Variants in ZNF417 observed in about 807,000 individuals in gnomAD.
ZNF417 encodes the protein zinc finger protein 417.
A neutral mutation model predicts 7.4 loss-of-function variants in ZNF417; 5 were observed. That is an observed-to-expected ratio of 0.68 (90% CI 0.35 to 1.43). The LOEUF (loss-of-function observed/expected upper bound fraction) is 1.43, where lower values mean the gene tolerates loss of function less well. Among genes scored for constraint, ZNF417 ranks in the 40% most tolerant of loss-of-function variants. ZNF417 has a pLI of 0.04. For missense variants in ZNF417, 437 were observed against 697.3 expected (o/e 0.63, Z 4.20); for synonymous variants, 147 against 239.1 (o/e 0.61, Z 3.55).
Position 57,908,109 on chromosome 19 carries a change from A to G in ZNF417, c.*441T>C. ...AAGAAATAGTAAGGTAATCTTAGAAAGATGTTGAATAGAAAGCAAGCTACG... is the reference window on the plus strand; with the variant it reads ...AAGAAATAGTAAGGTAATCTTAGAAGGATGTTGAATAGAAAGCAAGCTACG... On this transcript the variant is annotated 3_prime_UTR_variant, in exon 3 of 3. Coordinates refer to ENST00000312026, the MANE Select transcript of ZNF417 (RefSeq NM_152475.3). The G allele has an allele frequency of 5.5e-6, 1 of 182,990 alleles. No individual in the cohort carries two copies. Among genetic ancestry groups the G allele is most frequent in the Non-Finnish European group, 1.2e-5 (1 of 85,808 alleles). The allele number at this position is 182,990 out of a possible 1,614,324, so 11.3% of individuals were successfully genotyped here. A position where few individuals can be genotyped will look rare whatever the true frequency, so the allele number is the denominator to read the frequency against.
chr19:57,916,568 G>T lies in ZNF417; in HGVS notation c.-157C>A. On this transcript the variant is annotated 5_prime_UTR_variant, in exon 1 of 3. Transcript: ENST00000312026. ...GGGGCCACAAACTGGGGAAACACCC[G>T]CGTCACCGATACACAGCCGCTACTA... is the stretch of plus-strand genomic sequence containing the variant. The T allele has an allele frequency of 1.3e-6, 2 of 1,491,592 alleles. No individual in the cohort carries two copies. The highest frequency in any genetic ancestry group is 8.9e-7 in the Non-Finnish European group (1 of 1,122,732). The allele number at this position is 1,491,592 out of a possible 1,614,324, so 92.4% of individuals were successfully genotyped here.
At chr19:57,916,298 T>C (rs376887526) in intron 1 of ZNF417, 81 bp downstream of exon 1, 41,725 of 1,608,664 alleles carry the variant, frequency 0.026, 644 homozygotes, top group Non-Finnish European at 0.028. Context: ...TACAGACCCG[T>C]GAGCAGGAGC....
chr19:57,908,457 T>G lies in ZNF417; in HGVS notation c.*93A>C. 1 of 1,599,212 alleles carries G rather than the reference T, an allele frequency of 6.3e-7. No individual in the cohort carries two copies. The highest frequency in any genetic ancestry group is 8.5e-7 in the Non-Finnish European group (1 of 1,170,022). On this transcript the variant is annotated 3_prime_UTR_variant, in exon 3 of 3. Transcript: ENST00000312026. ...GCAGACATTCTGATGTTTCCCAGATTGACAGCACTCATAAGGCCTTTCTCC... is the reference window on the plus strand; with the variant it reads ...GCAGACATTCTGATGTTTCCCAGATGGACAGCACTCATAAGGCCTTTCTCC...
Position 57,909,381 on chromosome 19 carries a change from CT to C in ZNF417, c.896del (p.Glu299GlyfsTer181). On this transcript the variant is annotated frameshift_variant, in exon 3 of 3. Coordinates refer to ENST00000312026, the MANE Select transcript of ZNF417 (RefSeq NM_152475.3). LOFTEE classifies it low-confidence loss of function (END_TRUNC). The stretch of plus-strand genomic sequence containing the variant: ...TCTGACTAAAAGATTTCCCGCACTC[CT>C]CACAGGGATAAGCTGTCTTTCCAGT... ...VHTGKTAYPC[E>X]ECGKSFSQKG... is the part of the protein sequence containing the mutation. 1 of 1,614,084 alleles carries C rather than the reference CT, an allele frequency of 6.2e-7. No homozygotes were observed. Among genetic ancestry groups the C allele is most frequent in the Non-Finnish European group, 8.5e-7 (1 of 1,180,050 alleles).
At chr19:57,912,631 C>T (rs1430016104) in intron 1 of ZNF417, among the ~76,000 whole-genome samples, 1 of 152,004 alleles carries the variant, frequency 6.6e-6, no homozygotes, top group Admixed American at 6.6e-5. Context: ...TTTTTTGAGA[C>T]ATAGTCTAGC....
chr19:57,916,257 G>GC, intron 1 of ZNF417, 122 bp downstream of exon 1: 1 of 1,570,164 alleles, frequency 6.4e-7, no homozygotes. Flanking sequence ...CCTCCTGCGA[G>GC]CGCCTCAGTG....
chr19:57,916,529 C>G lies in ZNF417; in HGVS notation c.-118G>C, dbSNP rs528215568. On this transcript the variant is annotated 5_prime_UTR_variant, in exon 1 of 3. Coordinates refer to ENST00000312026, the MANE Select transcript of ZNF417 (RefSeq NM_152475.3). ...CTTCTAGGTTCAGTCACCGCGGTCC[C>G]CCCCCAGCACTCAGGGGCCACAAAC... The G allele has an allele frequency of 1.8e-5, 28 of 1,565,572 alleles. No individual in the cohort carries two copies. The highest frequency in any genetic ancestry group is 1.8e-4 in the Middle Eastern group (1 of 5,664).
At chr19:57,916,227 T>C in intron 1 of ZNF417, 152 bp downstream of exon 1, 4 of 1,462,274 alleles carry the variant, frequency 2.7e-6, no homozygotes, top group Non-Finnish European at 3.7e-6. Flanking sequence ...GGACCCCCAC[T>C]GGACAGTTAC....
rs73937070 is a variant in ZNF417, at chr19:57,912,368, A to G, written c.34-179T>C. ...CACTGGTCAATTGCCATCAGCAATA[A>G]GCAGTAAGTGGACAAATAGGTATCC... On this transcript the variant is annotated intron_variant, in intron 1 of 2. Coordinates refer to ENST00000312026, the MANE Select transcript of ZNF417 (RefSeq NM_152475.3). Among the ~76,000 whole-genome samples, 750 of 152,314 alleles carry G rather than the reference A, an allele frequency of 4.9e-3. 12 individuals are homozygous for G. Among genetic ancestry groups the G allele is most frequent in the African/African-American group, 0.017 (697 of 41,556 alleles).
rs755094635 is a variant in ZNF417 at position 57,908,997 on chromosome 19, C to G, written c.1281G>C (p.Gln427His). 4 of 1,614,008 alleles carry G rather than the reference C, an allele frequency of 2.5e-6. No individual in the cohort carries two copies. In the East Asian group the frequency reaches 8.9e-5, roughly 36 times the overall value. ...AAGGTCTTTCCCCAGTGTGAAGTCT[C>G]TGGTGTTCAGTGAGGTGGGATCTGT... ...FRYRSHLTEH[Q>H]RLHTGERPYN... is the part of the protein sequence containing the mutation. Residue 427 changes from glutamine (Q) to histidine (H), a missense_variant, in exon 3 of 3, where the codon CAG (glutamine) becomes CAC (histidine). Gln to His is a conservative substitution (Grantham distance 24). Coordinates refer to ENST00000312026, the MANE Select transcript of ZNF417 (RefSeq NM_152475.3).
chr19:57,912,558 A>C (rs1449368730), intron 1 of ZNF417, among the ~76,000 whole-genome samples: 1 of 152,048 alleles, frequency 6.6e-6, no homozygotes, highest in Non-Finnish European at 1.5e-5. Flanking sequence ...CCCCTACCTG[A>C]GTTTTCCCTA....
At chr19:57,911,684 T>C (rs2122530740) in intron 2 of ZNF417, among the ~76,000 whole-genome samples, 1 of 152,264 alleles carries the variant, frequency 6.6e-6, no homozygotes, top group East Asian at 1.9e-4. Context: ...ATGTAGGTAG[T>C]GACAATGTCA....
At chr19:57,914,649 C>G (rs1396332384) in intron 1 of ZNF417, among the ~76,000 whole-genome samples, 2 of 152,186 alleles carry the variant, frequency 1.3e-5, no homozygotes, top group Non-Finnish European at 2.9e-5. Flanking sequence ...TTCCTCTTCC[C>G]TCAACCCATA....
In ZNF417 at chr19:57,915,990, C is replaced by A. The variant is rs1046133917; in HGVS notation, c.33+389G>T. Among the ~76,000 whole-genome samples, 4 of 152,176 alleles carry A rather than the reference C, an allele frequency of 2.6e-5. No individual in the cohort carries two copies. The East Asian group carries it at 7.7e-4, about 29-fold the overall frequency. ...AACAGCATGAAAAACTCACTTTAAC[C>A]CTCTATGAATCCATCTCAGGTCCCA... On this transcript the variant is annotated intron_variant, in intron 1 of 2. Transcript: ENST00000312026.
Position 57,916,511 on chromosome 19 carries a change from G to C in ZNF417, c.-100C>G, listed in dbSNP as rs1279217735. On this transcript the variant is annotated 5_prime_UTR_variant, in exon 1 of 3. Coordinates refer to ENST00000312026, the MANE Select transcript of ZNF417 (RefSeq NM_152475.3). ...AGGACGATTCCTCTCCACCTTCTAG[G>C]TTCAGTCACCGCGGTCCCCCCCCAG... The C allele has an allele frequency of 6.3e-7, 1 of 1,597,124 alleles. No homozygotes were observed. Among genetic ancestry groups the C allele is most frequent in the Non-Finnish European group, 8.5e-7 (1 of 1,172,004 alleles).
rs971361335 is a variant in ZNF417, at chr19:57,906,225, A to G, written c.*2325T>C. On this transcript the variant is annotated 3_prime_UTR_variant, in exon 3 of 3. Transcript: ENST00000312026. ...ACTTCTAGATATCATTGAAACTCCT[A>G]TGTTGATTAAAAATCATCAAAGATC... is the stretch of plus-strand genomic sequence containing the variant. 6.6e-6 allele frequency among the ~76,000 whole-genome samples: 1 copy of G among 152,198 alleles called. No individual in the cohort carries two copies. The highest frequency in any genetic ancestry group is 6.5e-5 in the Admixed American group (1 of 15,274).
In ZNF417 at chr19:57,908,606, G is replaced by A. The variant is rs765213052; in HGVS notation, c.1672C>T (p.Gln558Ter). The A allele has an allele frequency of 6.2e-7, 1 of 1,613,876 alleles. No individual in the cohort carries two copies. Among genetic ancestry groups the A allele is most frequent in the South Asian group, 1.1e-5 (1 of 90,950 alleles). ...YECTKCGKTF[Q>*]RSSTLLHHQS... ...TGATGAAGGAGGGTAGAGCTTCGCTGAAATGTTTTTCCACATTTGGTACAT... is the reference window on the plus strand; with the variant it reads ...TGATGAAGGAGGGTAGAGCTTCGCTAAAATGTTTTTCCACATTTGGTACAT... The change falls in exon 3 of 3, where the codon CAG becomes TAG. Residue 558 changes from glutamine to a stop codon, truncating the protein, a stop_gained. Coordinates refer to ENST00000312026, the MANE Select transcript of ZNF417 (RefSeq NM_152475.3). LOFTEE classifies it low-confidence loss of function (END_TRUNC).
rs746361529 is a variant in ZNF417, at chr19:57,909,407, T to C, written c.871A>G (p.Thr291Ala). Residue 291 changes from threonine to alanine, a missense_variant, in exon 3 of 3, where the codon ACT becomes GCT. Transcript: ENST00000312026. The stretch of plus-strand genomic sequence containing the variant: ...TCACAGGGATAAGCTGTCTTTCCAG[T>C]GTGGACTCGCTGATGTTGAATAAGG... ...SSLIQHQRVHTGKTAYPCEEC... is the reference protein window; with the variant it reads ...SSLIQHQRVHAGKTAYPCEEC... The C allele has an allele frequency of 5.6e-6, 9 of 1,614,048 alleles. No homozygotes were observed. In the East Asian group the frequency reaches 1.3e-4, roughly 24 times the overall value.
In ZNF417 at chr19:57,908,594, T is replaced by G. The variant is rs774761964; in HGVS notation, c.1684A>C (p.Thr562Pro). 6.8e-6 allele frequency: 11 copies of G among 1,613,602 alleles called. No individual in the cohort carries two copies. Among genetic ancestry groups the G allele is most frequent in the African/African-American group, 6.7e-5 (5 of 74,828 alleles). The change falls in exon 3 of 3, where the codon ACC becomes CCC. Residue 562 changes from threonine to proline, a missense_variant. By Grantham distance (38) the Thr-to-Pro change is conservative. This residue lies in a region of ZNF417 where 233 missense variants were observed against 235.5 expected (regional missense o/e 0.99). Transcript: ENST00000312026. ...TGTGAACTCTGATGATGAAGGAGGG[T>G]AGAGCTTCGCTGAAATGTTTTTCCA... ...KCGKTFQRSS[T>P]LLHHQSSHRR...
Sources: gnomAD v4.1 joint callset for allele counts (sites outside exome capture counted in the v4.1 genomes callset) on GRCh38, gnomAD v4.1.1 for gene constraint, gnomAD v4.1.1 regional missense constraint, MANE v1.5 for transcripts, NCBI Gene and HGNC (gene_info 2026-07-23, HGNC 2026-07-21) for gene names.